EFR3A: variants seen among roughly 807,000 people sequenced by gnomAD.
The protein encoded by EFR3A is EFR3 homolog A.
A neutral mutation model predicts 104.4 loss-of-function variants in EFR3A; 76 were observed. The observed-to-expected ratio is 0.73, with a 90% CI of 0.60 to 0.88. EFR3A has a LOEUF of 0.88. Ranked by LOEUF, EFR3A falls within the 40% of genes least tolerant of loss-of-function variation. The pLI is 0.00. For missense variants in EFR3A, 985 were observed against 1,012.5 expected, an observed-to-expected ratio of 0.97 and a Z score of 0.37; for synonymous variants, 330 against 330.0, an observed-to-expected ratio of 1.00 and a Z score of 0.00.
At chr8:131,970,777 A>G in intron 10 of EFR3A, 134 bp downstream of exon 10, 1 of 832,282 alleles carries the variant, frequency 1.2e-6, no homozygotes, top group Non-Finnish European at 1.8e-6. Context: ...TTAATTTTCG[A>G]AAACAAGCAA....
intron 1 of EFR3A, among the ~76,000 whole-genome samples, chr8:131,910,560 A>T (rs552939978): frequency 5.3e-5 from 8 of 152,204 alleles, no homozygotes; most frequent in Non-Finnish European, 1.2e-4. Flanking sequence ...GGCGTGAGCC[A>T]CTGTGCCCAG....
intron 22 of EFR3A, among the ~76,000 whole-genome samples, chr8:132,008,846 C>CAAAAAAAAAAAAAAAAAAAAAAAAAAA (rs55964352): frequency 3.1e-5 from 1 of 32,166 alleles, no homozygotes; most frequent in Non-Finnish European, 5.9e-5. Context: ...AACTCCATCT[C>CAAAAAAAAAAAAAAAAAAAAAAAAAAA]AAAAAAAAAA....
In EFR3A at chr8:131,953,914, T is replaced by C; in HGVS notation, c.585T>C (p.Asp195=). The change falls in exon 6 of 23, where the codon GAT becomes GAC. Residue 195 remains aspartate (D), a synonymous_variant. Transcript: ENST00000254624. ...CCATTTGGGAACCTCAGCATATGGA[T>C]AAGATTGTTCCATCCCTCCTGTTTA... is the stretch of plus-strand genomic sequence containing the variant. ...RATIWEPQHM[D]KIVPSLLFNM... 6.4e-7 allele frequency: 1 copy of C among 1,574,424 alleles called. No homozygotes were observed.
chr8:131,904,230 G>C lies in EFR3A; in HGVS notation c.-83G>C. ...GCCTCGTTCCGGCCTCCGCGGCCCA[G>C]CAACGGCCGTCATGGTGCCGTCGGC... On this transcript the variant is annotated 5_prime_UTR_variant, in exon 1 of 23. Coordinates refer to ENST00000254624, the MANE Select transcript of EFR3A (RefSeq NM_015137.6). 7.9e-7 allele frequency: 1 copy of C among 1,264,308 alleles called. No homozygotes were observed. The highest frequency in any genetic ancestry group is 1.0e-6 in the Non-Finnish European group (1 of 1,001,660). 78.3% of individuals were successfully genotyped at this position (1,264,308 alleles called of 1,614,324 possible). A position where few individuals can be genotyped will look rare whatever the true frequency, so the allele number is the denominator to read the frequency against.
chr8:131,949,852 GT>G, intron 4 of EFR3A, 116 bp from the exon 5 acceptor site: 2 of 958,334 alleles, frequency 2.1e-6, no homozygotes, highest in Non-Finnish European at 3.0e-6. Flanking sequence ...TGTATTTGAT[GT>G]TTTGTTTGTT....
At chr8:131,939,263 C>T (rs1053879578) in intron 1 of EFR3A, among the ~76,000 whole-genome samples, 5 of 152,108 alleles carry the variant, frequency 3.3e-5, no homozygotes, top group South Asian at 2.1e-4. Context: ...GACAAAGTAA[C>T]GCACCCAGCC....
chr8:131,998,573 A>G (rs1244090829), intron 19 of EFR3A, among the ~76,000 whole-genome samples: 1 of 152,092 alleles, frequency 6.6e-6, no homozygotes, highest in African/African-American at 2.4e-5. Flanking sequence ...TGCAATTCCA[A>G]CCTTGGCCTA....
chr8:131,975,327 G>A (rs575077546), intron 10 of EFR3A, among the ~76,000 whole-genome samples: 32 of 151,544 alleles, frequency 2.1e-4, no homozygotes, highest in East Asian at 5.8e-4. Context: ...CCTGATTACC[G>A]GAACAAAAAT....
In EFR3A at chr8:132,012,925, G is replaced by C. The variant is rs1822421634; in HGVS notation, c.*2030G>C. 1 of 152,080 alleles carries C rather than the reference G, an allele frequency of 6.6e-6. No individual in the cohort carries two copies. The highest frequency in any genetic ancestry group is 2.4e-5 in the African/African-American group (1 of 41,420). The allele number at this position is 152,080 out of a possible 1,614,324, so 9.4% of individuals were successfully genotyped here. A position where few individuals can be genotyped will look rare whatever the true frequency, so the allele number is the denominator to read the frequency against. ...CCTTTATCTTGGTCTTTGTTGATTT[G>C]GGTTTTGTTGGGGTTTTTGTTACTG... On this transcript the variant is annotated 3_prime_UTR_variant, in exon 23 of 23. Coordinates refer to ENST00000254624, the MANE Select transcript of EFR3A (RefSeq NM_015137.6).
intron 4 of EFR3A, 41 bp from the exon 5 acceptor site, chr8:131,949,928 C>T (rs1466865831): frequency 6.6e-7 from 1 of 1,516,192 alleles, no homozygotes; most frequent in Non-Finnish European, 8.9e-7. Flanking sequence ...GTTCACACTT[C>T]TGAAGAAGGT....
intron 1 of EFR3A, among the ~76,000 whole-genome samples, chr8:131,912,678 T>C (rs896492807): frequency 6.6e-6 from 1 of 152,240 alleles, no homozygotes; most frequent in African/African-American, 2.4e-5. Context: ...ATTCTTAAGA[T>C]GTTTTTACAG....
Position 131,984,120 on chromosome 8 carries a change from C to T in EFR3A, c.1576-19C>T, listed in dbSNP as rs556158693. On this transcript the variant is annotated intron_variant, in intron 14 of 22. Coordinates refer to ENST00000254624, the MANE Select transcript of EFR3A (RefSeq NM_015137.6). ...CATTTTAAGCAAAATTACCTTTGTC[C>T]TCTGTCTTTTCTCCTCAGAATGGGC... The T allele has an allele frequency of 1.3e-6, 2 of 1,577,018 alleles. No individual in the cohort carries two copies. The highest frequency in any genetic ancestry group is 1.7e-6 in the Non-Finnish European group (2 of 1,164,296).
chr8:131,986,475 T>C (rs1820888593), intron 17 of EFR3A, among the ~76,000 whole-genome samples: 1 of 152,102 alleles, frequency 6.6e-6, no homozygotes, highest in South Asian at 2.1e-4. Context: ...GAGTCAATCT[T>C]GAAAAAATTT....
intron 1 of EFR3A, among the ~76,000 whole-genome samples, chr8:131,922,513 AT>A (rs1256921167): frequency 6.6e-6 from 1 of 152,166 alleles, no homozygotes; most frequent in Non-Finnish European, 1.5e-5. Flanking sequence ...AGCATTTTTG[AT>A]AAGGTTAATT....
intron 9 of EFR3A, 117 bp downstream of exon 9, chr8:131,968,547 A>T: frequency 8.7e-7 from 1 of 1,143,438 alleles, no homozygotes; most frequent in Non-Finnish European, 1.2e-6. Flanking sequence ...TTTTCGGTGT[A>T]CAATAATTTT....
intron 18 of EFR3A, among the ~76,000 whole-genome samples, chr8:131,989,246 A>T (rs1369722339): frequency 6.6e-6 from 1 of 152,194 alleles, no homozygotes; most frequent in East Asian, 1.9e-4. Context: ...ATCTGTAATT[A>T]AATTTCCTTT....
intron 7 of EFR3A, among the ~76,000 whole-genome samples, chr8:131,958,119 T>C (rs1049452107): frequency 2.6e-5 from 4 of 152,180 alleles, no homozygotes; most frequent in Admixed American, 2.6e-4. Flanking sequence ...ATGCGAACTA[T>C]AAGTAATTGG....
At chr8:131,943,223 G>A (rs964369012) in intron 2 of EFR3A, among the ~76,000 whole-genome samples, 5 of 152,014 alleles carry the variant, frequency 3.3e-5, no homozygotes, top group African/African-American at 1.2e-4. Flanking sequence ...AAACACTTCT[G>A]ATCCCAGGCA....
chr8:131,917,398 ATAT>A (rs559111593), intron 1 of EFR3A, among the ~76,000 whole-genome samples: 107 of 152,352 alleles, frequency 7.0e-4, no homozygotes, highest in Non-Finnish European at 9.1e-4. Context: ...CAACATAGAA[ATAT>A]TGTTCAGCCT....
Sources: gnomAD v4.1 joint callset for allele counts (sites outside exome capture counted in the v4.1 genomes callset) on GRCh38, gnomAD v4.1.1 for gene constraint, MANE v1.5 for transcripts, NCBI Gene and HGNC (gene_info 2026-07-23, HGNC 2026-07-21) for gene names.